SERPINE2: variants seen among roughly 807,000 people sequenced by gnomAD.
The protein encoded by SERPINE2 is serpin family E member 2.
SERPINE2 carries 14 observed loss-of-function variants against 36.3 expected under a neutral mutation model. The ratio of observed to expected loss-of-function variants is 0.39; its 90% CI spans 0.25 to 0.60. The LOEUF (loss-of-function observed/expected upper bound fraction) is 0.60, where lower values mean the gene tolerates loss of function less well. Among genes scored for constraint, SERPINE2 ranks in the 20% least tolerant of loss-of-function variants. The pLI, the probability that SERPINE2 is intolerant of heterozygous loss-of-function variation, is 0.57. For synonymous variants in SERPINE2, 192 were observed against 191.8 expected (o/e 1.00, Z -0.01); for missense variants, 418 against 499.6 (o/e 0.84, Z 1.56).
chr2:223,981,676 C>T (rs17195216), intron 6 of SERPINE2: 40,255 of 152,076 alleles, frequency 0.26, 6,650 homozygotes, highest in South Asian at 0.41. Flanking sequence ...AATGTTCAAG[C>T]CATGGCTTTT....
At chr2:224,010,992 C>T (rs74757153) in intron 1 of SERPINE2, among the ~76,000 whole-genome samples, 1,812 of 152,100 alleles carry the variant, frequency 0.012, 41 homozygotes, top group African/African-American at 0.041. Flanking sequence ...AATGCTGGTG[C>T]GTTTTGCCGT....
chr2:223,985,500 G>A (rs1225005275), intron 4 of SERPINE2, among the ~76,000 whole-genome samples: 1 of 152,128 alleles, frequency 6.6e-6, no homozygotes, highest in Non-Finnish European at 1.5e-5. Flanking sequence ...CCAACATGGT[G>A]CAATTTTATT....
chr2:223,991,103 G>A (rs558425988), intron 4 of SERPINE2, among the ~76,000 whole-genome samples: 40 of 152,090 alleles, frequency 2.6e-4, no homozygotes, highest in Non-Finnish European at 5.1e-4. Context: ...TTACATAAGC[G>A]AGATTGATAT....
chr2:224,000,752 G>A (rs1691089609), intron 2 of SERPINE2, among the ~76,000 whole-genome samples: 1 of 151,676 alleles, frequency 6.6e-6, no homozygotes, highest in African/African-American at 2.4e-5. Flanking sequence ...TGTTCTCATT[G>A]TTCAACTCCC....
At chr2:224,031,225 C>A in intron 1 of SERPINE2, 3 of 983,186 alleles carry the variant, frequency 3.1e-6, no homozygotes, top group Non-Finnish European at 3.6e-6. Context: ...CCTACATATT[C>A]ACAGGGTGTG....
At chr2:223,976,599 A>G (rs909938208) in intron 8 of SERPINE2, among the ~76,000 whole-genome samples, 1 of 152,282 alleles carries the variant, frequency 6.6e-6, no homozygotes, top group Non-Finnish European at 1.5e-5. Flanking sequence ...TACTGATTAA[A>G]TAAAATAGTA....
intron 1 of SERPINE2, among the ~76,000 whole-genome samples, chr2:224,015,939 T>TA (rs932149917): frequency 4.9e-4 from 74 of 151,398 alleles, no homozygotes; most frequent in Admixed American, 7.9e-4. Context: ...ACCCCAACTG[T>TA]AAAAAAAAAT....
chr2:224,018,490 G>A (rs1691874871), intron 1 of SERPINE2, among the ~76,000 whole-genome samples: 1 of 151,680 alleles, frequency 6.6e-6, no homozygotes, highest in Non-Finnish European at 1.5e-5. Context: ...ATAAATCTGA[G>A]CTCCACTGGA....
At chr2:224,035,335 G>A (rs1268136444) in intron 1 of SERPINE2, among the ~76,000 whole-genome samples, 1 of 152,162 alleles carries the variant, frequency 6.6e-6, no homozygotes. Flanking sequence ...AGCAGCTGAG[G>A]TTTGCCACAT....
intron 1 of SERPINE2, among the ~76,000 whole-genome samples, chr2:224,033,443 G>A (rs868448873): frequency 6.6e-6 from 1 of 152,130 alleles, no homozygotes. Context: ...TAACACTTAT[G>A]AGAAAGCCAC....
At chr2:224,027,017 T>C (rs1273405989) in intron 1 of SERPINE2, among the ~76,000 whole-genome samples, 1 of 152,074 alleles carries the variant, frequency 6.6e-6, no homozygotes, top group Non-Finnish European at 1.5e-5. Flanking sequence ...GAGAGTCAAG[T>C]AAAAGAAAAA....
intron 1 of SERPINE2, among the ~76,000 whole-genome samples, chr2:224,035,197 C>T (rs1178821342): frequency 1.3e-5 from 2 of 152,158 alleles, no homozygotes; most frequent in Non-Finnish European, 1.5e-5. Context: ...TGTCGATGAT[C>T]GTCTCAGCCT....
chr2:224,013,955 A>T (rs1691713643), intron 1 of SERPINE2: 1 of 152,368 alleles, frequency 6.6e-6, no homozygotes, highest in Non-Finnish European at 1.5e-5. Flanking sequence ...GGGCTGACAA[A>T]TTGGATAAGG....
At chr2:224,014,940 G>C (rs1181373834) in intron 1 of SERPINE2, among the ~76,000 whole-genome samples, 2 of 152,144 alleles carry the variant, frequency 1.3e-5, no homozygotes, top group African/African-American at 2.4e-5. Flanking sequence ...TCTCCACCTG[G>C]GTGACTCTGT....
rs553320941 is a variant in SERPINE2, at chr2:224,031,212, G to A, written c.-23+7887C>T. On this transcript the variant is annotated intron_variant, in intron 1 of 8. Coordinates refer to ENST00000409304, the MANE Select transcript of SERPINE2 (RefSeq NM_001136528.2). ...TGGCACTGACACATAAAGGCTGTGC[G>A]ACCCTACATATTCACAGGGTGTGCC... 104 of 985,372 alleles carry A rather than the reference G, an allele frequency of 1.1e-4. 1 individual carries two copies. The African/African-American group carries it at 1.7e-3, about 17-fold the overall frequency. The allele number at this position is 985,372 out of a possible 1,614,324, so 61.0% of individuals were successfully genotyped here.
intron 1 of SERPINE2, among the ~76,000 whole-genome samples, chr2:224,032,377 A>G (rs1010687138): frequency 6.6e-6 from 1 of 152,148 alleles, no homozygotes; most frequent in African/African-American, 2.4e-5. Context: ...TTCTATAGCT[A>G]TATTTGCTGG....
At chr2:223,980,200 C>T in intron 7 of SERPINE2, 111 bp downstream of exon 7, 1 of 859,536 alleles carries the variant, frequency 1.2e-6, no homozygotes, top group South Asian at 1.5e-5. Flanking sequence ...AACCCACACA[C>T]ACTGCCTGGC....
intron 3 of SERPINE2, among the ~76,000 whole-genome samples, chr2:223,993,562 G>A: frequency 6.6e-6 from 1 of 151,874 alleles, no homozygotes; most frequent in Admixed American, 6.6e-5. Context: ...GTGTGTGTAT[G>A]TGTGTATGTG....
At chr2:223,987,774 T>C (rs1017357769) in intron 4 of SERPINE2, among the ~76,000 whole-genome samples, 3 of 152,170 alleles carry the variant, frequency 2.0e-5, no homozygotes, top group African/African-American at 7.2e-5. Flanking sequence ...GTAATCTGAT[T>C]TCCACTTTAA....
Sources: gnomAD v4.1 joint callset for allele counts (sites outside exome capture counted in the v4.1 genomes callset) on GRCh38, gnomAD v4.1.1 for gene constraint, MANE v1.5 for transcripts, NCBI Gene and HGNC (gene_info 2026-07-23, HGNC 2026-07-21) for gene names.